Variants in OTOG observed in about 807,000 individuals in gnomAD.
OTOG encodes otogelin.
Under a neutral mutation model 313.8 loss-of-function variants are expected in OTOG, and 296 were observed. That is an observed-to-expected ratio of 0.94 (90% confidence interval 0.86 to 1.04). The LOEUF (loss-of-function observed/expected upper bound fraction) is 1.04. OTOG is among the 50% of genes least tolerant of loss of function. The pLI, the probability that OTOG is intolerant of heterozygous loss-of-function variation, is 0.00. For missense variants in OTOG, 3,948 were observed against 3,840.1 expected (o/e 1.03, Z -0.74); for synonymous variants, 1,533 against 1,554.9 (o/e 0.99, Z 0.33).
intron 29 of OTOG, 112 bp from the exon 30 acceptor site, chr11:17,596,739 C>A (rs1853118976): frequency 3.3e-6 from 3 of 908,972 alleles, no homozygotes; most frequent in Non-Finnish European, 5.1e-6. Flanking sequence ...GACAGGATAG[C>A]TCACCCTATC....
intron 39 of OTOG, among the ~76,000 whole-genome samples, chr11:17,615,618 T>C (rs1270559098): frequency 6.6e-6 from 1 of 152,220 alleles, no homozygotes; most frequent in Non-Finnish European, 1.5e-5. Flanking sequence ...CTCCATTGAA[T>C]TGTCTTTGAA....
chr11:17,602,753 A>G (rs186593194), intron 32 of OTOG, among the ~76,000 whole-genome samples: 1 of 143,208 alleles, frequency 7.0e-6, no homozygotes, highest in African/African-American at 2.6e-5. Context: ...TTCTCCCTCT[A>G]CCTCTCTTCT....
In OTOG at chr11:17,640,893, C is replaced by A; in HGVS notation, c.8012-20C>A. 1 of 1,548,740 alleles carries A rather than the reference C, an allele frequency of 6.5e-7. No homozygotes were observed. ...TGCCTGGGCTCTGGATGACTGTTGCCGCCCTGCATGCCCATCCAGTGAAGG... is the reference window on the plus strand; with the variant it reads ...TGCCTGGGCTCTGGATGACTGTTGCAGCCCTGCATGCCCATCCAGTGAAGG... On this transcript the variant is annotated intron_variant, in intron 50 of 55. Coordinates refer to ENST00000399397, the MANE Select transcript of OTOG (RefSeq NM_001292063.2).
chr11:17,547,940 T>C lies in OTOG; in HGVS notation c.108T>C (p.Val36=), dbSNP rs192947282. ...CCCCCTCCCCAGCCGCAGCACCCGT[T>C]CTGTGGGGCAGTGCAGAGCCACAGC... The part of the protein sequence containing the change: ...LRVQRLAAAP[V]LWGSAEPQPE... Residue 36 remains valine, a synonymous_variant, in exon 2 of 56, where the codon GTT becomes GTC. Transcript: ENST00000399397. The C allele has an allele frequency of 2.1e-6, 1 of 474,700 alleles. No homozygotes were observed. Among genetic ancestry groups the C allele is most frequent in the African/African-American group, 2.0e-5 (1 of 50,828 alleles). The allele number at this position is 474,700 out of a possible 1,614,324, so 29.4% of individuals were successfully genotyped here. A position where few individuals can be genotyped will look rare whatever the true frequency, so the allele number is the denominator to read the frequency against.
At chr11:17,570,454 A>G in intron 17 of OTOG, 64 bp downstream of exon 17, 1 of 1,478,182 alleles carries the variant, frequency 6.8e-7, no homozygotes, top group Non-Finnish European at 9.2e-7. Context: ...CTGGGTATCT[A>G]GAGGCACTGC....
At position 17,635,065 on chromosome 11, in the gene OTOG, C is replaced by T; in HGVS notation, c.7586-15C>T. 1 of 1,544,122 alleles carries T rather than the reference C, an allele frequency of 6.5e-7. No individual in the cohort carries two copies. Among genetic ancestry groups the T allele is most frequent in the Non-Finnish European group, 8.8e-7 (1 of 1,142,478 alleles). ...AGGTTCCTCTCCCAGCACCTAAATT[C>T]AGCCTTTTCCCCAGAGTGTGACCCA... On this transcript the variant is annotated splice_polypyrimidine_tract_variant and intron_variant, in intron 45 of 55. Coordinates refer to ENST00000399397, the MANE Select transcript of OTOG (RefSeq NM_001292063.2).
chr11:17,558,496 C>T (rs1423692764), intron 9 of OTOG, 42 bp from the exon 10 acceptor site: 12 of 1,547,062 alleles, frequency 7.8e-6, no homozygotes, highest in Non-Finnish European at 1.0e-5. Flanking sequence ...CTGTGTGTGG[C>T]TTTGCCAGCC....
intron 21 of OTOG, 25 bp from the exon 22 acceptor site, chr11:17,576,842 AC>A (rs1301413136): frequency 6.5e-7 from 1 of 1,549,824 alleles, no homozygotes; most frequent in South Asian, 1.2e-5. Context: ...GGGTCGGCTA[AC>A]CCCAGGGCCC....
chr11:17,596,662 A>G (rs1853116545), intron 29 of OTOG, among the ~76,000 whole-genome samples, 189 bp from the exon 30 acceptor site: 1 of 152,206 alleles, frequency 6.6e-6, no homozygotes, highest in Admixed American at 6.5e-5. Flanking sequence ...CTTAGTTCTC[A>G]AAAGTGGACA....
At chr11:17,622,978 C>T (rs557262752) in intron 39 of OTOG, among the ~76,000 whole-genome samples, 4 of 152,158 alleles carry the variant, frequency 2.6e-5, no homozygotes, top group African/African-American at 9.7e-5. Context: ...TGAGGGTTCC[C>T]TTTTCTCCAC....
chr11:17,642,199 C>G lies in OTOG; in HGVS notation c.8368C>G (p.Arg2790Gly), dbSNP rs952407320. 6.5e-7 allele frequency: 1 copy of G among 1,550,298 alleles called. No individual in the cohort carries two copies. Among genetic ancestry groups the G allele is most frequent in the Non-Finnish European group, 8.7e-7 (1 of 1,146,818 alleles). Residue 2790 changes from arginine (R) to glycine (G), a missense_variant, in exon 53 of 56, where the codon CGC (arginine) becomes GGC (glycine). Physicochemically the swap from Arg to Gly is moderately radical, Grantham distance 125. Coordinates refer to ENST00000399397, the MANE Select transcript of OTOG (RefSeq NM_001292063.2). Reference protein sequence around the residue: ...SSTPLGAVLVRSPISCPPLNE... With the variant: ...SSTPLGAVLVGSPISCPPLNE... ...CACGCCCCTGGGTGCCGTGCTGGTCCGCTCTCCCATAAGCTGCCCACCGCT... is the reference window on the plus strand; with the variant it reads ...CACGCCCCTGGGTGCCGTGCTGGTCGGCTCTCCCATAAGCTGCCCACCGCT...
chr11:17,591,624 T>C (rs1387959040), intron 25 of OTOG, 36 bp downstream of exon 25: 3 of 1,548,704 alleles, frequency 1.9e-6, no homozygotes, highest in East Asian at 2.4e-5. Context: ...GTTGGCTCCA[T>C]GCACAGCTGT....
intron 7 of OTOG, among the ~76,000 whole-genome samples, chr11:17,556,559 T>C (rs1852061633): frequency 6.6e-6 from 1 of 152,236 alleles, no homozygotes; most frequent in Admixed American, 6.5e-5. Flanking sequence ...GTTCTGGGGC[T>C]GAGTGTAAAA....
At chr11:17,613,464 G>A in intron 38 of OTOG, 148 bp from the exon 39 acceptor site, 3 of 649,676 alleles carry the variant, frequency 4.6e-6, no homozygotes, top group Non-Finnish European at 8.1e-6. Context: ...ATGCAATCCT[G>A]GGCACCATCA....
rs1396136488 is a variant in OTOG, at chr11:17,560,770, G to A, written c.1404G>A (p.Gly468=). ...APAECPCEFH[G]TLYPPGSVVK... ...CTGAGTGTCCCTGTGAGTTTCACGG[G>A]ACTCTGTACCCACCTGGCTCTGTGG... Residue 468 remains glycine (G), a synonymous_variant, in exon 13 of 56, where the codon GGG becomes GGA. Coordinates refer to ENST00000399397, the MANE Select transcript of OTOG (RefSeq NM_001292063.2). The A allele has an allele frequency of 6.4e-7, 1 of 1,550,772 alleles. No homozygotes were observed.
intron 3 of OTOG, among the ~76,000 whole-genome samples, chr11:17,551,375 C>A (rs1331218305): frequency 6.6e-6 from 1 of 152,152 alleles, no homozygotes; most frequent in Non-Finnish European, 1.5e-5. Flanking sequence ...GGAGTTCTGT[C>A]TGGAAAATAG....
At chr11:17,645,098 C>T (rs1848046886) in intron 54 of OTOG, among the ~76,000 whole-genome samples, 1 of 152,182 alleles carries the variant, frequency 6.6e-6, no homozygotes, top group South Asian at 2.1e-4. Context: ...CAAAGCATCC[C>T]ATTAGAATGA....
intron 33 of OTOG, 26 bp from the exon 34 acceptor site, chr11:17,608,270 A>C: frequency 6.8e-7 from 1 of 1,463,594 alleles, no homozygotes; most frequent in African/African-American, 1.4e-5. Flanking sequence ...CCTGACCCAG[A>C]GTTGCTGCCC....
intron 28 of OTOG, among the ~76,000 whole-genome samples, chr11:17,594,544 T>C (rs1429172992): frequency 2.0e-5 from 3 of 152,094 alleles, no homozygotes; most frequent in Non-Finnish European, 4.4e-5. Flanking sequence ...AGGGAAGGCT[T>C]CCTGAAGGAG....
Sources: gnomAD v4.1 joint callset for allele counts (sites outside exome capture counted in the v4.1 genomes callset) on GRCh38, gnomAD v4.1.1 for gene constraint, MANE v1.5 for transcripts, NCBI Gene and HGNC (gene_info 2026-07-23, HGNC 2026-07-21) for gene names.